CSMD1: variants seen among roughly 807,000 people sequenced by gnomAD.
CSMD1 encodes CUB and Sushi multiple domains 1, also known as CUB and sushi domain-containing protein 1.
A neutral mutation model predicts 417.5 loss-of-function variants in CSMD1; 213 were observed. That is an observed-to-expected ratio of 0.51 (90% CI 0.46 to 0.57). The LOEUF is 0.57. CSMD1 is among the 20% of genes least tolerant of loss of function. The pLI is 0.00. For synonymous variants in CSMD1, 2,862 were observed against 1,736.8 expected, an observed-to-expected ratio of 1.65 and a Z score of -16.11; for missense variants, 6,923 against 4,529.7, an observed-to-expected ratio of 1.53 and a Z score of -15.17.
At chr8:4,146,903 G>A (rs953182181) in intron 3 of CSMD1, among the ~76,000 whole-genome samples, 13 of 144,176 alleles carry the variant, frequency 9.0e-5, no homozygotes, top group Admixed American at 6.0e-4. Flanking sequence ...GTGAGCCACC[G>A]CACCGGCCAG....
intron 4 of CSMD1, among the ~76,000 whole-genome samples, chr8:4,025,840 A>G (rs1797035917): frequency 6.6e-6 from 1 of 152,188 alleles, no homozygotes; most frequent in Admixed American, 6.5e-5. Context: ...TCTATTAATT[A>G]AATATACAGT....
intron 3 of CSMD1, among the ~76,000 whole-genome samples, chr8:4,121,207 C>T (rs772959565): frequency 3.9e-5 from 6 of 152,054 alleles, no homozygotes; most frequent in South Asian, 4.2e-4. Context: ...CTCTGCCTCT[C>T]GGGTTCAAGC....
chr8:4,815,568 T>A (rs924754221), intron 1 of CSMD1, among the ~76,000 whole-genome samples: 1 of 151,394 alleles, frequency 6.6e-6, no homozygotes, highest in Admixed American at 6.6e-5. Context: ...TGGTGACACA[T>A]GCCTGTAATC....
At chr8:4,061,843 G>A (rs1312736040) in intron 3 of CSMD1, among the ~76,000 whole-genome samples, 3 of 152,176 alleles carry the variant, frequency 2.0e-5, no homozygotes. Context: ...AATATACACT[G>A]TATAGATGTA....
chr8:3,336,228 T>A (rs1807254477), intron 23 of CSMD1, among the ~76,000 whole-genome samples: 1 of 152,048 alleles, frequency 6.6e-6, no homozygotes. Flanking sequence ...CGTGTGTGAG[T>A]TACAATACAT....
intron 1 of CSMD1, among the ~76,000 whole-genome samples, chr8:4,733,189 C>A (rs1161116626): frequency 6.6e-6 from 1 of 152,132 alleles, no homozygotes; most frequent in Non-Finnish European, 1.5e-5. Context: ...AAAGCGAAAC[C>A]ATGTTGAACA....
chr8:4,039,613 A>C (rs1797785325), intron 3 of CSMD1, among the ~76,000 whole-genome samples: 1 of 152,188 alleles, frequency 6.6e-6, no homozygotes, highest in Non-Finnish European at 1.5e-5. Flanking sequence ...CTCCAGGATG[A>C]GGAATGACAG....
At position 2,978,793 on chromosome 8, in the gene CSMD1, G is replaced by C; in HGVS notation, c.8385C>G (p.Asn2795Lys). ...TTTCCACAAAGCCTGGATCAGAACAGTTCACCACTAGAAAATAAAACATTT... is the reference window on the plus strand; with the variant it reads ...TTTCCACAAAGCCTGGATCAGAACACTTCACCACTAGAAAATAAAACATTT... Reference protein sequence around the residue: ...SSPLPTCRVVNCSDPGFVENA... With the variant: ...SSPLPTCRVVKCSDPGFVENA... Residue 2795 changes from asparagine to lysine, a missense_variant, in exon 55 of 70, where the codon AAC (asparagine) becomes AAG (lysine). Coordinates refer to ENST00000635120, the MANE Select transcript of CSMD1 (RefSeq NM_033225.6). 3 of 1,605,698 alleles carry C rather than the reference G, an allele frequency of 1.9e-6. No homozygotes were observed. Among genetic ancestry groups the C allele is most frequent in the South Asian group, 1.1e-5 (1 of 89,236 alleles).
intron 3 of CSMD1, among the ~76,000 whole-genome samples, chr8:4,244,534 TTTC>T (rs1215302330): frequency 3.0e-5 from 4 of 132,882 alleles, no homozygotes; most frequent in Middle Eastern, 7.1e-3. Flanking sequence ...TAAAATTTTC[TTTC>T]TTTTTTCTTA....
At chr8:4,865,126 A>G (rs1217525590) in intron 1 of CSMD1, among the ~76,000 whole-genome samples, 1 of 151,734 alleles carries the variant, frequency 6.6e-6, no homozygotes. Flanking sequence ...TAAAATTCAA[A>G]GTTTTATAAC....
At chr8:4,431,366 G>C (rs189744303) in intron 2 of CSMD1, among the ~76,000 whole-genome samples, 1 of 152,096 alleles carries the variant, frequency 6.6e-6, no homozygotes, top group African/African-American at 2.4e-5. Context: ...ACCAATAGTT[G>C]GGAGGAATTC....
At chr8:4,921,667 G>GGT (rs201829067) in intron 1 of CSMD1, among the ~76,000 whole-genome samples, 1 of 152,184 alleles carries the variant, frequency 6.6e-6, no homozygotes, top group East Asian at 1.9e-4. Flanking sequence ...AGAAGTGATG[G>GGT]GTGTGTGTGT....
chr8:4,015,050 T>G (rs1042516777), intron 4 of CSMD1, among the ~76,000 whole-genome samples: 4 of 152,192 alleles, frequency 2.6e-5, no homozygotes, highest in Non-Finnish European at 4.4e-5. Flanking sequence ...TGAACAGTTT[T>G]AATTTTGATA....
intron 12 of CSMD1, among the ~76,000 whole-genome samples, chr8:3,427,263 G>A (rs1251619433): frequency 6.6e-6 from 1 of 152,172 alleles, no homozygotes; most frequent in Non-Finnish European, 1.5e-5. Flanking sequence ...TTCAAGGCCA[G>A]CCTACTTCAT....
chr8:4,958,787 G>A (rs1011197544), intron 1 of CSMD1, among the ~76,000 whole-genome samples: 13 of 152,076 alleles, frequency 8.5e-5, no homozygotes, highest in Non-Finnish European at 1.6e-4. Flanking sequence ...TGAAAAAAGC[G>A]GGGCTTTCAT....
At position 4,368,106 on chromosome 8, in the gene CSMD1, T is replaced by C. The variant is rs934087485; in HGVS notation, c.415+51847A>G. ...TCATTCCTGTTCTCAAGGGGAGTGC[T>C]TCTAGCTTTTTCTCATTCAGTATGG... On this transcript the variant is annotated intron_variant, in intron 3 of 69. Coordinates refer to ENST00000635120, the MANE Select transcript of CSMD1 (RefSeq NM_033225.6). Among the ~76,000 whole-genome samples, 17 of 152,256 alleles carry C rather than the reference T, an allele frequency of 1.1e-4. 1 individual carries two copies. Among genetic ancestry groups the C allele is most frequent in the Admixed American group, 8.5e-4 (13 of 15,278 alleles).
At chr8:3,948,121 G>A (rs1446700117) in intron 5 of CSMD1, among the ~76,000 whole-genome samples, 1 of 152,106 alleles carries the variant, frequency 6.6e-6, no homozygotes, top group Admixed American at 6.5e-5. Context: ...CAGGATAACT[G>A]CTTTAACCGA....
At chr8:4,252,888 G>A (rs1001753743) in intron 3 of CSMD1, among the ~76,000 whole-genome samples, 4 of 152,166 alleles carry the variant, frequency 2.6e-5, no homozygotes, top group African/African-American at 9.7e-5. Flanking sequence ...AGAATTTCAG[G>A]TGCCTTGTTC....
chr8:3,656,479 T>C (rs1163955545), intron 7 of CSMD1, among the ~76,000 whole-genome samples: 2 of 152,206 alleles, frequency 1.3e-5, no homozygotes, highest in Non-Finnish European at 2.9e-5. Flanking sequence ...GAAATCTGCA[T>C]CTGAAGCATT....
Sources: gnomAD v4.1 joint callset for allele counts (sites outside exome capture counted in the v4.1 genomes callset) on GRCh38, gnomAD v4.1.1 for gene constraint, MANE v1.5 for transcripts, NCBI Gene and HGNC (gene_info 2026-07-23, HGNC 2026-07-21) for gene names.